Variants in TMEM175 observed in about 807,000 individuals in gnomAD.
TMEM175 encodes transmembrane protein 175, also known as endosomal/lysosomal proton channel TMEM175.
In TMEM175, 36 loss-of-function variants were observed where a neutral mutation model predicts 36.5. The observed-to-expected ratio is 0.99, with a 90% CI of 0.76 to 1.30. The LOEUF (loss-of-function observed/expected upper bound fraction) is 1.30. Ranked by LOEUF, TMEM175 falls within the 50% of genes most tolerant of loss-of-function variation. The pLI is 0.00. For missense variants in TMEM175, 705 were observed against 692.8 expected (o/e 1.02, Z -0.20); for synonymous variants, 339 against 313.4 (o/e 1.08, Z -0.86).
In TMEM175 at chr4:958,275, C is replaced by T. The variant is rs953466629; in HGVS notation, c.1294C>T (p.Leu432=). 6 of 1,606,384 alleles carry T rather than the reference C, an allele frequency of 3.7e-6. No individual in the cohort carries two copies. The highest frequency in any genetic ancestry group is 5.1e-6 in the Non-Finnish European group (6 of 1,179,594). The change falls in exon 11 of 11, where the codon CTG becomes TTG. Residue 432 remains leucine, a synonymous_variant. Coordinates refer to ENST00000264771, the MANE Select transcript of TMEM175 (RefSeq NM_032326.4). ...GGCGCTGTACCCCTGTGCCAGCCTG[C>T]TGGCCTTCGCCTCCACCTGCCTGCT... ...KLALYPCASL[L]AFASTCLLSR... is the part of the protein sequence containing the mutation.
intron 1 of TMEM175, among the ~76,000 whole-genome samples, chr4:939,433 T>C (rs1727170110): frequency 6.9e-6 from 1 of 145,352 alleles, no homozygotes; most frequent in African/African-American, 2.6e-5. Flanking sequence ...ATACAAAAAT[T>C]AGCTGAGCGC....
At chr4:956,570 G>A in intron 10 of TMEM175, 1 of 883,236 alleles carries the variant, frequency 1.1e-6, no homozygotes, top group Non-Finnish European at 1.5e-6. Context: ...AGCCTCCCAA[G>A]TAGTTGGGAT....
At chr4:950,991 C>CAAA (rs1560489681) in intron 4 of TMEM175, among the ~76,000 whole-genome samples, 8 of 151,528 alleles carry the variant, frequency 5.3e-5, no homozygotes, top group African/African-American at 1.9e-4. Context: ...GTGGGCGGTG[C>CAAA]GGATGGTGCA....
chr4:951,585 A>G, intron 5 of TMEM175, 97 bp from the exon 6 acceptor site: 1 of 1,503,534 alleles, frequency 6.7e-7, no homozygotes, highest in South Asian at 1.2e-5. Context: ...CTTCTTGGGG[A>G]GGGCCCAGCC....
chr4:949,891 C>A (rs781354496), intron 3 of TMEM175, among the ~76,000 whole-genome samples: 3 of 152,132 alleles, frequency 2.0e-5, no homozygotes, highest in Non-Finnish European at 4.4e-5. Flanking sequence ...TTCCGAAGTC[C>A]GCATGCCGGA....
intron 10 of TMEM175, chr4:956,608 A>G (rs565810240): frequency 1.7e-6 from 1 of 573,950 alleles, no homozygotes. Context: ...ATGCCCAGCT[A>G]ACTTTTTGCA....
At chr4:938,551 C>T (rs918550686) in intron 1 of TMEM175, among the ~76,000 whole-genome samples, 9 of 151,936 alleles carry the variant, frequency 5.9e-5, no homozygotes, top group Admixed American at 1.3e-4. Flanking sequence ...AAGAGCTACT[C>T]GTGAGTTTAG....
chr4:955,259 T>G, intron 8 of TMEM175, 146 bp from the exon 9 acceptor site: 2 of 623,472 alleles, frequency 3.2e-6, no homozygotes, highest in Non-Finnish European at 5.8e-6. Context: ...CTTTACACTT[T>G]TTGGGTACTA....
chr4:956,909 G>C (rs1204282029), intron 10 of TMEM175: 1 of 161,298 alleles, frequency 6.2e-6, no homozygotes, highest in Non-Finnish European at 1.3e-5. Context: ...CTCTGCTGTC[G>C]TGTGCATTTT....
chr4:955,276 A>G, intron 8 of TMEM175, 129 bp from the exon 9 acceptor site: 1 of 686,466 alleles, frequency 1.5e-6, no homozygotes, highest in Non-Finnish European at 2.6e-6. Context: ...ACTAGGCCCC[A>G]TCAGATACAT....
intron 9 of TMEM175, 92 bp downstream of exon 9, chr4:955,575 G>A: frequency 2.7e-6 from 4 of 1,477,372 alleles, no homozygotes; most frequent in Non-Finnish European, 3.7e-6. Flanking sequence ...CGTGGGCCGA[G>A]GCCCGTGTGC....
At chr4:933,165 T>C (rs1424839964) in intron 1 of TMEM175, among the ~76,000 whole-genome samples, 2 of 152,036 alleles carry the variant, frequency 1.3e-5, no homozygotes, top group Non-Finnish European at 2.9e-5. Context: ...GCCCACACAG[T>C]ATTTGGGGGT....
intron 8 of TMEM175, 83 bp from the exon 9 acceptor site, chr4:955,322 G>C: frequency 5.4e-6 from 6 of 1,108,566 alleles, no homozygotes; most frequent in Non-Finnish European, 8.2e-6. Context: ...CGCAGCCCCT[G>C]CTTTGGCACA....
At chr4:950,684 A>AGTGTGGATGGTGCAGTAGGCAGAG (rs1553907105) in intron 4 of TMEM175, among the ~76,000 whole-genome samples, 166 bp downstream of exon 4, 52,841 of 141,746 alleles carry the variant, frequency 0.37, 10,777 homozygotes, top group African/African-American at 0.46. Flanking sequence ...GGCCTGGGAC[A>AGTGTGGATGGTGCAGTAGGCAGAG]GTGTGGATGG....
intron 1 of TMEM175, among the ~76,000 whole-genome samples, chr4:938,512 AG>A (rs1305528378): frequency 6.6e-6 from 1 of 152,222 alleles, no homozygotes; most frequent in African/African-American, 2.4e-5. Flanking sequence ...TCCAAAAAAA[AG>A]AAAAAAAAAT....
At chr4:951,292 CTCTGG>C (rs773256403) in intron 5 of TMEM175, 34 bp downstream of exon 5, 1 of 1,612,432 alleles carries the variant, frequency 6.2e-7, no homozygotes, top group Non-Finnish European at 8.5e-7. Flanking sequence ...TGGGGAGTGA[CTCTGG>C]TCTGTAATCT....
At chr4:955,634 C>T in intron 9 of TMEM175, 121 bp from the exon 10 acceptor site, 2 of 1,489,238 alleles carry the variant, frequency 1.3e-6, no homozygotes, top group Non-Finnish European at 9.1e-7. Context: ...CGTCCCTGTC[C>T]TGTCTCCTCT....
intron 1 of TMEM175, among the ~76,000 whole-genome samples, chr4:933,519 T>C (rs907142234): frequency 2.6e-5 from 4 of 152,046 alleles, no homozygotes; most frequent in African/African-American, 9.7e-5. Context: ...GCCTAAATGT[T>C]AAAAACCTAG....
chr4:952,346 GT>G lies in TMEM175; in HGVS notation c.379-17del. On this transcript the variant is annotated intron_variant, in intron 6 of 10. Transcript: ENST00000264771. Reference sequence around the variant, plus strand: ...GTAACCTAGGATTTGGGGGGGTTTGGTTTTGTTTTTGTTTTAACAGTTTTCG... The same window carrying G: ...GTAACCTAGGATTTGGGGGGGTTTGGTTTGTTTTTGTTTTAACAGTTTTCG... 1 of 1,608,890 alleles carries G rather than the reference GT, an allele frequency of 6.2e-7. No individual in the cohort carries two copies. The highest frequency in any genetic ancestry group is 8.5e-7 in the Non-Finnish European group (1 of 1,178,660).
Sources: gnomAD v4.1 joint callset for allele counts (sites outside exome capture counted in the v4.1 genomes callset) on GRCh38, gnomAD v4.1.1 for gene constraint, MANE v1.5 for transcripts, NCBI Gene and HGNC (gene_info 2026-07-23, HGNC 2026-07-21) for gene names.